SGMS1: variants seen among roughly 807,000 people sequenced by gnomAD.
SGMS1 encodes the protein sphingomyelin synthase 1, also known as phosphatidylcholine:ceramide cholinephosphotransferase 1.
A neutral mutation model predicts 46.2 loss-of-function variants in SGMS1; 13 were observed. The observed-to-expected ratio is 0.28, with a 90% CI of 0.18 to 0.45. SGMS1 has a LOEUF of 0.45. Ranked by LOEUF, SGMS1 falls within the 20% of genes least tolerant of loss-of-function variation. The pLI is 1.00. For missense variants in SGMS1, 324 were observed against 519.9 expected, an observed-to-expected ratio of 0.62 and a Z score of 3.66; for synonymous variants, 203 against 187.8, an observed-to-expected ratio of 1.08 and a Z score of -0.66.
In SGMS1 at chr10:50,378,006, T is replaced by C. The variant is rs150171017; in HGVS notation, c.-231-33661A>G. Among the ~76,000 whole-genome samples, 162 of 152,346 alleles carry C rather than the reference T, an allele frequency of 1.1e-3. 1 individual carries two copies. The highest frequency in any genetic ancestry group is 3.8e-3 in the African/African-American group (158 of 41,590). ...CTTCTCAAGAGCCTTAATCACATGT[T>C]TTGCTTCAAAATGTTTACTCCTAAT... On this transcript the variant is annotated intron_variant, in intron 6 of 10. Coordinates refer to ENST00000361781, the MANE Select transcript of SGMS1 (RefSeq NM_147156.4).
chr10:50,622,586 G>C (rs973545891), intron 1 of SGMS1, among the ~76,000 whole-genome samples: 1 of 152,216 alleles, frequency 6.6e-6, no homozygotes. Context: ...ACAGGCCCCA[G>C]AACATAGAAA....
intron 5 of SGMS1, among the ~76,000 whole-genome samples, chr10:50,441,727 T>C (rs1214064547): frequency 6.6e-6 from 1 of 152,252 alleles, no homozygotes; most frequent in Non-Finnish European, 1.5e-5. Context: ...CGCACACAGA[T>C]AACCTTTTCT....
chr10:50,540,178 T>A (rs1365290586), intron 2 of SGMS1, among the ~76,000 whole-genome samples: 3 of 152,188 alleles, frequency 2.0e-5, no homozygotes, highest in Admixed American at 6.5e-5. Context: ...GACCTAAACA[T>A]CCAGAAGGTG....
chr10:50,561,456 C>T (rs560644034), intron 2 of SGMS1, among the ~76,000 whole-genome samples: 9 of 152,210 alleles, frequency 5.9e-5, no homozygotes, highest in Non-Finnish European at 8.8e-5. Context: ...TTCTGGGATT[C>T]CTTCCAGCTC....
chr10:50,400,312 A>C (rs1278208108), intron 6 of SGMS1, among the ~76,000 whole-genome samples: 3 of 150,662 alleles, frequency 2.0e-5, no homozygotes, highest in African/African-American at 7.3e-5. Context: ...TTGCCTCTGC[A>C]AATTGAGGAT....
intron 6 of SGMS1, among the ~76,000 whole-genome samples, chr10:50,399,565 C>T (rs945230816): frequency 3.9e-5 from 6 of 152,090 alleles, no homozygotes; most frequent in Non-Finnish European, 8.8e-5. Flanking sequence ...AGAAAAAGTG[C>T]TTAGCAGAAC....
intron 6 of SGMS1, among the ~76,000 whole-genome samples, chr10:50,352,058 C>A (rs572111255): frequency 2.6e-5 from 4 of 152,202 alleles, no homozygotes; most frequent in South Asian, 4.2e-4. Flanking sequence ...ATTTCAAGAG[C>A]AAATAAACTT....
intron 8 of SGMS1, among the ~76,000 whole-genome samples, chr10:50,312,998 G>A (rs1847281491): frequency 6.6e-6 from 1 of 152,132 alleles, no homozygotes; most frequent in Admixed American, 6.5e-5. Context: ...GTGAGTAAGT[G>A]CAAAGAAAAC....
chr10:50,343,368 A>G, intron 7 of SGMS1, 124 bp downstream of exon 7: 1 of 1,185,442 alleles, frequency 8.4e-7, no homozygotes, highest in Non-Finnish European at 1.1e-6. Context: ...ATGTGTTTAA[A>G]AAAGAAAAAA....
At chr10:50,601,799 T>C (rs1294663711) in intron 1 of SGMS1, among the ~76,000 whole-genome samples, 1 of 152,244 alleles carries the variant, frequency 6.6e-6, no homozygotes, top group Non-Finnish European at 1.5e-5. Flanking sequence ...ATTATTTGCA[T>C]ATACCTAATG....
chr10:50,443,572 G>C (rs1849572310), intron 5 of SGMS1, among the ~76,000 whole-genome samples: 1 of 151,566 alleles, frequency 6.6e-6, no homozygotes, highest in Non-Finnish European at 1.5e-5. Flanking sequence ...AAAAAATAAA[G>C]ACATTTTCAC....
intron 2 of SGMS1, among the ~76,000 whole-genome samples, chr10:50,537,439 T>C (rs539897405): frequency 3.6e-5 from 5 of 140,416 alleles, no homozygotes; most frequent in South Asian, 5.0e-4. Context: ...TTTTTTTTCT[T>C]TATATATATA....
At chr10:50,617,492 A>G (rs1838809044) in intron 1 of SGMS1, among the ~76,000 whole-genome samples, 1 of 152,228 alleles carries the variant, frequency 6.6e-6, no homozygotes, top group East Asian at 1.9e-4. Context: ...TGATGGTTTC[A>G]CAGGTATGTA....
chr10:50,607,778 T>C (rs1348227345), intron 1 of SGMS1, among the ~76,000 whole-genome samples: 3 of 152,172 alleles, frequency 2.0e-5, no homozygotes, highest in African/African-American at 7.2e-5. Flanking sequence ...ACATCATCAT[T>C]GCCAAGAAAA....
chr10:50,606,511 C>T (rs190536554), intron 1 of SGMS1, among the ~76,000 whole-genome samples: 4 of 152,236 alleles, frequency 2.6e-5, no homozygotes, highest in African/African-American at 9.6e-5. Context: ...GATGTTTGTA[C>T]TTGTTTAAAG....
chr10:50,389,691 A>G (rs1021661395), intron 6 of SGMS1, among the ~76,000 whole-genome samples: 1 of 152,246 alleles, frequency 6.6e-6, no homozygotes, highest in Non-Finnish European at 1.5e-5. Context: ...CATTTATGAA[A>G]AGGTTCTTTG....
chr10:50,565,809 C>CA lies in SGMS1; in HGVS notation c.-589+24343dup, dbSNP rs565947194. ...TCATCAGGGATGCTGAGAAGGCCAT[C>CA]ACTTCCTCCATCCCCGGCACCCAGT... On this transcript the variant is annotated intron_variant, in intron 2 of 10. Transcript: ENST00000361781. Among the ~76,000 whole-genome samples, 11 of 152,334 alleles carry CA rather than the reference C, an allele frequency of 7.2e-5. No individual in the cohort carries two copies. In the South Asian group the frequency reaches 2.1e-3, roughly 29 times the overall value.
chr10:50,387,651 A>C (rs1848701034), intron 6 of SGMS1, among the ~76,000 whole-genome samples: 1 of 152,232 alleles, frequency 6.6e-6, no homozygotes, highest in African/African-American at 2.4e-5. Context: ...GTCAAATGAA[A>C]AAAGCAAGGC....
chr10:50,570,979 T>A (rs1270814379), intron 2 of SGMS1, among the ~76,000 whole-genome samples: 1 of 152,046 alleles, frequency 6.6e-6, no homozygotes, highest in Non-Finnish European at 1.5e-5. Context: ...ATAAAATAAA[T>A]TAAAATTTAT....
Sources: gnomAD v4.1 joint callset for allele counts (sites outside exome capture counted in the v4.1 genomes callset) on GRCh38, gnomAD v4.1.1 for gene constraint, MANE v1.5 for transcripts, NCBI Gene and HGNC (gene_info 2026-07-23, HGNC 2026-07-21) for gene names.